MAST3: variants seen among roughly 807,000 people sequenced by gnomAD.
The protein encoded by MAST3 is microtubule associated serine/threonine kinase 3, also known as microtubule-associated serine/threonine-protein kinase 3.
MAST3 carries 43 observed loss-of-function variants against 127.0 expected under a neutral mutation model. The observed-to-expected ratio is 0.34, with a 90% CI of 0.27 to 0.44. The LOEUF (loss-of-function observed/expected upper bound fraction) is 0.44. MAST3 is among the 20% of genes least tolerant of loss of function. MAST3 has a pLI of 1.00. For missense variants in MAST3, 1,390 were observed against 1,919.1 expected, an observed-to-expected ratio of 0.72 and a Z score of 5.15; for synonymous variants, 785 against 809.2, an observed-to-expected ratio of 0.97 and a Z score of 0.51.
chr19:18,150,388 C>G lies in MAST3; in HGVS notation c.*662C>G, dbSNP rs1465964681. Reference sequence around the variant, plus strand: ...CTGGGACTCTGTTTGCAGGCCCTGCCCTCTGGGCTGAGAAGGATGCACTTT... The same window carrying G: ...CTGGGACTCTGTTTGCAGGCCCTGCGCTCTGGGCTGAGAAGGATGCACTTT... On this transcript the variant is annotated 3_prime_UTR_variant, in exon 28 of 28. Transcript: ENST00000687212. The G allele has an allele frequency of 6.6e-6, 1 of 152,312 alleles. No homozygotes were observed. Among genetic ancestry groups the G allele is most frequent in the African/African-American group, 2.4e-5 (1 of 41,436 alleles). The allele number at this position is 152,312 out of a possible 1,614,324, so 9.4% of individuals were successfully genotyped here.
chr19:18,136,257 G>C (rs956412067), intron 18 of MAST3, among the ~76,000 whole-genome samples: 2 of 152,162 alleles, frequency 1.3e-5, no homozygotes, highest in African/African-American at 4.8e-5. Context: ...TATGGGAGAC[G>C]GTTGGGTCCA....
chr19:18,130,349 G>A, intron 13 of MAST3, 145 bp from the exon 14 acceptor site: 1 of 694,912 alleles, frequency 1.4e-6, no homozygotes, highest in Non-Finnish European at 2.4e-6. Flanking sequence ...CTGGGAGGGG[G>A]AACAGGTAAG....
In MAST3 at chr19:18,149,470, A is replaced by G; in HGVS notation, c.3788A>G (p.Asp1263Gly). The G allele has an allele frequency of 6.5e-7, 1 of 1,540,598 alleles. No homozygotes were observed. Residue 1263 changes from aspartate (D) to glycine (G), a missense_variant, in exon 28 of 28, where the codon GAC (aspartate) becomes GGC (glycine). Around this residue, in one of 5 missense-constraint regions of MAST3, gnomAD observed 816 missense variants for 934.1 expected, o/e 0.87. Coordinates refer to ENST00000687212, the MANE Select transcript of MAST3 (RefSeq NM_001393504.1). The surrounding 1 kb of genome is among the most constrained non-coding windows in gnomAD (Gnocchi z 5.9). ...CGGCTGCGCCGGGGCCAGTCAGCTG[A>G]CAAGCTGGGCACAGGGGAGCGGCTG... ...SPRLRRGQSA[D>G]KLGTGERLDG...
At chr19:18,130,308 C>T (rs553898788) in intron 13 of MAST3, among the ~76,000 whole-genome samples, 186 bp from the exon 14 acceptor site, 23 of 152,340 alleles carry the variant, frequency 1.5e-4, no homozygotes, top group Non-Finnish European at 2.6e-4. Flanking sequence ...TGGCCCCCAG[C>T]CATGGTGGCT....
At chr19:18,137,104 G>C in intron 18 of MAST3, 135 bp from the exon 19 acceptor site, 1 of 1,066,040 alleles carries the variant, frequency 9.4e-7, no homozygotes, top group Non-Finnish European at 1.3e-6. Flanking sequence ...TTACAGGTGT[G>C]AGCCACTGCG....
intron 11 of MAST3, among the ~76,000 whole-genome samples, chr19:18,126,891 C>T (rs2040703797): frequency 6.6e-6 from 1 of 151,992 alleles, no homozygotes. Context: ...CGCCATTCTC[C>T]TGCCTCAGCC....
intron 11 of MAST3, among the ~76,000 whole-genome samples, chr19:18,125,871 C>T (rs117341846): frequency 0.019 from 2,802 of 150,960 alleles, 86 homozygotes; most frequent in Admixed American, 0.075. Flanking sequence ...ACTAGCCTGG[C>T]CAATATGCAG....
chr19:18,119,915 C>A (rs1048908998), intron 3 of MAST3, among the ~76,000 whole-genome samples: 5 of 152,212 alleles, frequency 3.3e-5, no homozygotes, highest in Non-Finnish European at 5.9e-5. Flanking sequence ...TCCCTCCCCG[C>A]GAGATTCTCC....
At chr19:18,123,521 C>A in intron 7 of MAST3, 59 bp from the exon 8 acceptor site, 2 of 1,474,136 alleles carry the variant, frequency 1.4e-6, no homozygotes, top group Non-Finnish European at 1.8e-6. Flanking sequence ...GATCCCCCAA[C>A]ATCCTCCCCT....
At chr19:18,117,839 C>G (rs1197946254) in intron 3 of MAST3, among the ~76,000 whole-genome samples, 1 of 151,520 alleles carries the variant, frequency 6.6e-6, no homozygotes, top group South Asian at 2.1e-4. Flanking sequence ...CTCAGCCGCC[C>G]GCGGCCCTAG....
chr19:18,125,768 C>G (rs2040545108), intron 11 of MAST3, among the ~76,000 whole-genome samples: 1 of 151,228 alleles, frequency 6.6e-6, no homozygotes, highest in Admixed American at 6.6e-5. Flanking sequence ...ACTCCCACAG[C>G]CAGCCAGGTG....
chr19:18,142,036 T>C, intron 21 of MAST3, 21 bp downstream of exon 21: 2 of 1,428,420 alleles, frequency 1.4e-6, no homozygotes, highest in Non-Finnish European at 1.9e-6. Context: ...TGGGGAAGTG[T>C]AGGCAGATCC....
Position 18,139,080 on chromosome 19 carries a change from A to T in MAST3, c.2161A>T (p.Thr721Ser), listed in dbSNP as rs769093451. The T allele has an allele frequency of 1.9e-6, 3 of 1,605,284 alleles. No individual in the cohort carries two copies. Among genetic ancestry groups the T allele is most frequent in the Non-Finnish European group, 2.6e-6 (3 of 1,176,148 alleles). Reference sequence around the variant, plus strand: ...CGAGACCAATGATGAAGAATCGTCCACAGAGATCCCCCAGTTCTCCTCCTG... The same window carrying T: ...CGAGACCAATGATGAAGAATCGTCCTCAGAGATCCCCCAGTTCTCCTCCTG... Reference protein sequence around the residue: ...DDETNDEESSTEIPQFSSCSH... With the variant: ...DDETNDEESSSEIPQFSSCSH... The change falls in exon 20 of 28, where the codon ACA becomes TCA. Residue 721 changes from threonine to serine, a missense_variant. Physicochemically the swap from Thr to Ser is moderately conservative, Grantham distance 58. Around this residue, in one of 5 missense-constraint regions of MAST3, gnomAD observed 816 missense variants for 934.1 expected, o/e 0.87. Transcript: ENST00000687212.
In MAST3 at chr19:18,137,190, G is replaced by C. The variant is rs767126430; in HGVS notation, c.1973-49G>C. ...GGCAGTGGGGGTAGGGGGGCATCCTGTGGCGGGTGAGGTGAGGACCTGCAG... is the reference window on the plus strand; with the variant it reads ...GGCAGTGGGGGTAGGGGGGCATCCTCTGGCGGGTGAGGTGAGGACCTGCAG... On this transcript the variant is annotated intron_variant, in intron 18 of 27. Transcript: ENST00000687212. 15 of 1,556,548 alleles carry C rather than the reference G, an allele frequency of 9.6e-6. No individual in the cohort carries two copies. In the South Asian group the frequency reaches 1.8e-4, roughly 19 times the overall value.
intron 3 of MAST3, among the ~76,000 whole-genome samples, chr19:18,115,227 G>A (rs980287313): frequency 1.3e-5 from 2 of 152,058 alleles, no homozygotes; most frequent in Admixed American, 6.6e-5. Flanking sequence ...GGCCTTCACC[G>A]TGGCAGCAGG....
intron 2 of MAST3, 111 bp downstream of exon 2, chr19:18,107,729 C>A (rs1206622895): frequency 8.6e-7 from 1 of 1,156,922 alleles, no homozygotes; most frequent in Non-Finnish European, 1.3e-6. Flanking sequence ...AGCAACACAT[C>A]TCATGTTCAT....
chr19:18,115,682 C>T (rs770321930), intron 3 of MAST3, among the ~76,000 whole-genome samples: 4 of 152,164 alleles, frequency 2.6e-5, no homozygotes, highest in Non-Finnish European at 4.4e-5. Context: ...ATATTCCCCT[C>T]CCAGACACCG....
intron 1 of MAST3, among the ~76,000 whole-genome samples, chr19:18,100,128 C>CTCTCTCTCTTTTTTTTTTTTTTT (rs776661078): frequency 1.6e-5 from 2 of 121,718 alleles, no homozygotes; most frequent in African/African-American, 2.8e-5. Context: ...CTCTCTCTCT[C>CTCTCTCTCTTTTTTTTTTTTTTT]TTTTTTTTTT....
chr19:18,112,316 C>G lies in MAST3; in HGVS notation c.161+1575C>G. 6.6e-6 allele frequency among the ~76,000 whole-genome samples: 1 copy of G among 152,146 alleles called. No homozygotes were observed. On this transcript the variant is annotated intron_variant, in intron 3 of 27. Coordinates refer to ENST00000687212, the MANE Select transcript of MAST3 (RefSeq NM_001393504.1). This position sits in a 1 kb window ranked among gnomAD's most constrained non-coding sequence, Gnocchi z 4.1. ...AGCGGAGACTACAGGCGTGCCACCA[C>G]GCCCGGCTAATTTTTTGTTTGTTTG...
Sources: allele counts gnomAD v4.1 joint callset (sites outside exome capture counted in the v4.1 genomes callset), GRCh38; gene constraint gnomAD v4.1.1; regional missense constraint gnomAD v4.1.1; non-coding constraint Gnocchi (gnomAD v3.1); transcripts MANE v1.5; gene names NCBI Gene and HGNC (gene_info 2026-07-23, HGNC 2026-07-21).